The following WDR27 variants were observed in gnomAD, a reference collection of about 807,000 sequenced individuals.
WDR27 encodes WD repeat-containing protein 27.
WDR27 carries 100 observed loss-of-function variants against 114.4 expected under a neutral mutation model. The ratio of observed to expected loss-of-function variants is 0.87; its 90% CI spans 0.74 to 1.03. The LOEUF (loss-of-function observed/expected upper bound fraction) is 1.03, where lower values mean the gene tolerates loss of function less well. WDR27 is among the 50% of genes least tolerant of loss of function. WDR27 has a pLI of 0.00. For synonymous variants in WDR27, 449 were observed against 423.1 expected (o/e 1.06, Z -0.75); for missense variants, 1,129 against 1,092.9 (o/e 1.03, Z -0.47).
At chr6:169,609,108 C>A (rs1809935270) in intron 22 of WDR27, among the ~76,000 whole-genome samples, 2 of 151,822 alleles carry the variant, frequency 1.3e-5, no homozygotes, top group East Asian at 4.1e-4. Flanking sequence ...GCAGCTCTGT[C>A]CCTGTGGCTT....
In WDR27 at chr6:169,457,517, G is replaced by A; in HGVS notation, c.*75C>T. Reference sequence around the variant, plus strand: ...TGCTGCTTCTGGCCCCCTGATGGATGAACCACTACTTCTTACTTTTAAGTT... The same window carrying A: ...TGCTGCTTCTGGCCCCCTGATGGATAAACCACTACTTCTTACTTTTAAGTT... On this transcript the variant is annotated 3_prime_UTR_variant, in exon 26 of 26. Coordinates refer to ENST00000448612, the MANE Select transcript of WDR27 (RefSeq NM_182552.5). 1.5e-6 allele frequency: 2 copies of A among 1,321,798 alleles called. No homozygotes were observed. Among genetic ancestry groups the A allele is most frequent in the Non-Finnish European group, 2.1e-6 (2 of 969,480 alleles). The allele number at this position is 1,321,798 out of a possible 1,614,324, so 81.9% of individuals were successfully genotyped here.
At chr6:169,605,133 T>C (rs1232613978) in intron 22 of WDR27, among the ~76,000 whole-genome samples, 2 of 102,048 alleles carry the variant, frequency 2.0e-5, no homozygotes, top group Admixed American at 1.3e-4. Flanking sequence ...AAGTTTTTTT[T>C]TTTTAAAGAA....
At chr6:169,456,712 G>T (rs1472200129), downstream of WDR27, among the ~76,000 whole-genome samples, 1 of 152,092 alleles carries the variant, frequency 6.6e-6, no homozygotes, top group Non-Finnish European at 1.5e-5. This position sits in a 1 kb window ranked among gnomAD's most constrained non-coding sequence, Gnocchi z 4.0. Context: ...TGGGACAGAG[G>T]CCATGCTCAC....
intron 19 of WDR27, 113 bp downstream of exon 19, chr6:169,636,258 A>C (rs1817637157): frequency 8.0e-7 from 1 of 1,246,832 alleles, no homozygotes; most frequent in Admixed American, 2.7e-5. Flanking sequence ...TGGTGATATG[A>C]GGTCATTATT....
At chr6:169,492,222 GA>G (rs1230923863) in intron 25 of WDR27, among the ~76,000 whole-genome samples, 21 of 143,574 alleles carry the variant, frequency 1.5e-4, no homozygotes, top group East Asian at 8.0e-4. Flanking sequence ...TAAGAATTTT[GA>G]AAAAAAAAAG....
chr6:169,463,836 G>T (rs1785208171), intron 25 of WDR27, among the ~76,000 whole-genome samples: 1 of 152,084 alleles, frequency 6.6e-6, no homozygotes, highest in South Asian at 2.1e-4. Flanking sequence ...ATTAACCAAG[G>T]TGATGAAATT....
chr6:169,530,840 G>C (rs1795499783), intron 25 of WDR27, among the ~76,000 whole-genome samples: 1 of 152,196 alleles, frequency 6.6e-6, no homozygotes, highest in Non-Finnish European at 1.5e-5. Flanking sequence ...TCTGTGATTA[G>C]AGGTTACATT....
chr6:169,662,716 C>T (rs866454630), intron 8 of WDR27, among the ~76,000 whole-genome samples: 26 of 121,512 alleles, frequency 2.1e-4, no homozygotes, highest in Non-Finnish European at 3.2e-4. Context: ...CCCAGCATGA[C>T]GCGTGTGCAC....
intron 2 of WDR27, among the ~76,000 whole-genome samples, chr6:169,673,028 A>C (rs1441365845): frequency 6.6e-6 from 1 of 152,198 alleles, no homozygotes; most frequent in Non-Finnish European, 1.5e-5. Flanking sequence ...GGAATGCATG[A>C]AACACTCAAG....
chr6:169,538,911 T>C (rs1388160634), intron 25 of WDR27, among the ~76,000 whole-genome samples: 1 of 152,158 alleles, frequency 6.6e-6, no homozygotes, highest in Non-Finnish European at 1.5e-5. Flanking sequence ...AATAAATGTG[T>C]AGGCCATATA....
intron 22 of WDR27, among the ~76,000 whole-genome samples, chr6:169,610,876 G>T (rs997415382): frequency 4.6e-5 from 7 of 152,140 alleles, no homozygotes; most frequent in Non-Finnish European, 8.8e-5. Flanking sequence ...TGGTATGATT[G>T]AATTTGGAGA....
intron 25 of WDR27, among the ~76,000 whole-genome samples, chr6:169,507,391 C>T (rs1009067638): frequency 9.8e-5 from 15 of 152,316 alleles, no homozygotes; most frequent in East Asian, 5.8e-4. Flanking sequence ...CGGCTGGGCA[C>T]GCTCTGCTTC....
chr6:169,689,077 T>C (rs940059711), intron 1 of WDR27, 65 bp from the exon 2 acceptor site: 26 of 1,146,176 alleles, frequency 2.3e-5, no homozygotes, highest in Non-Finnish European at 3.0e-5. Flanking sequence ...AAAAAGTCTA[T>C]TACCTACTGA....
At chr6:169,614,766 TA>T (rs1428989669) in intron 21 of WDR27, among the ~76,000 whole-genome samples, 2 of 152,098 alleles carry the variant, frequency 1.3e-5, no homozygotes, top group African/African-American at 4.8e-5. Context: ...TAATTCACAC[TA>T]ATAATTGAGC....
the WDR27 span, among the ~76,000 whole-genome samples, chr6:169,449,685 G>C: frequency 1.3e-5 from 2 of 152,176 alleles, no homozygotes; most frequent in African/African-American, 4.8e-5. Context: ...GGATAGGAGA[G>C]GGATGCGGAC....
intron 13 of WDR27, among the ~76,000 whole-genome samples, chr6:169,657,017 G>A (rs1379959889): frequency 1.3e-5 from 2 of 152,154 alleles, no homozygotes; most frequent in African/African-American, 4.8e-5. Context: ...GTGATGGGAC[G>A]GCAGCAGAGC....
chr6:169,641,134 G>A (rs1019046098), intron 17 of WDR27, among the ~76,000 whole-genome samples: 2 of 152,226 alleles, frequency 1.3e-5, no homozygotes, highest in Admixed American at 1.3e-4. Context: ...CGACAAGTCA[G>A]CTTGGTCCTT....
chr6:169,461,188 A>G (rs1051448221), intron 25 of WDR27, among the ~76,000 whole-genome samples: 1 of 152,168 alleles, frequency 6.6e-6, no homozygotes, highest in African/African-American at 2.4e-5. Context: ...GGAGGTCTCA[A>G]TACTCCTCTT....
chr6:169,642,273 G>A (rs942548879), intron 17 of WDR27, among the ~76,000 whole-genome samples: 2 of 151,724 alleles, frequency 1.3e-5, no homozygotes, highest in Admixed American at 6.6e-5. Flanking sequence ...GATGTGGCTT[G>A]TGCAGTTGAG....
Sources: gnomAD v4.1 joint callset for allele counts (sites outside exome capture counted in the v4.1 genomes callset) on GRCh38, gnomAD v4.1.1 for gene constraint, Gnocchi (gnomAD v3.1) non-coding constraint, MANE v1.5 for transcripts, NCBI Gene and HGNC (gene_info 2026-07-23, HGNC 2026-07-21) for gene names.